The following GPR179 variants were observed in gnomAD, a reference collection of about 807,000 sequenced individuals.
GPR179 encodes the protein probable G protein-coupled receptor 179.
GPR179 carries 52 observed loss-of-function variants against 70.8 expected under a neutral mutation model. The observed-to-expected ratio is 0.73, with a 90% CI of 0.59 to 0.93. The LOEUF is 0.93. Among genes scored for constraint, GPR179 ranks in the 40% least tolerant of loss-of-function variants. GPR179 has a pLI of 0.00. For synonymous variants in GPR179, 1,123 were observed against 1,169.0 expected (o/e 0.96, Z 0.80); for missense variants, 2,734 against 2,966.8 (o/e 0.92, Z 1.82).
At position 38,331,066 on chromosome 17, in the gene GPR179, C is replaced by T. The variant is rs769049312; in HGVS notation, c.2503G>A (p.Ala835Thr). The change falls in exon 11 of 11, where the codon GCC (alanine) becomes ACC (threonine). Residue 835 changes from alanine to threonine, a missense_variant. Physicochemically the swap from Ala to Thr is moderately conservative, Grantham distance 58. Transcript: ENST00000616987. ...VGERLPRARPASLQKSLSVAS... is the reference protein window; with the variant it reads ...VGERLPRARPTSLQKSLSVAS... ...ACACTGAGCGACTTCTGCAGAGAGGCGGGCCGGGCTCTGGGTAGCCTCTCT... is the reference window on the plus strand; with the variant it reads ...ACACTGAGCGACTTCTGCAGAGAGGTGGGCCGGGCTCTGGGTAGCCTCTCT... The T allele has an allele frequency of 6.9e-6, 11 of 1,601,162 alleles. No homozygotes were observed. Among genetic ancestry groups the T allele is most frequent in the African/African-American group, 1.3e-5 (1 of 75,004 alleles).
Position 38,328,899 on chromosome 17 carries a change from G to A in GPR179, c.4670C>T (p.Ala1557Val). 2 of 1,614,084 alleles carry A rather than the reference G, an allele frequency of 1.2e-6. No individual in the cohort carries two copies. The highest frequency in any genetic ancestry group is 1.7e-5 in the Admixed American group (1 of 60,014). The change falls in exon 11 of 11, where the codon GCT becomes GTT. Residue 1557 changes from alanine to valine, a missense_variant. By Grantham distance (64) the Ala-to-Val change is moderately conservative (BLOSUM62 0). Transcript: ENST00000616987. ...TCCATTGCATAGGAATTGGCTACCA[G>A]CTTTGGATGAGGAATTGTCTAGACA... ...SPCLDNSSSK[A>V]GSQFLCNGGS...
chr17:38,328,260 C>T lies in GPR179; in HGVS notation c.5309G>A (p.Gly1770Glu). The change falls in exon 11 of 11, where the codon GGG (glycine) becomes GAG (glutamate). Residue 1770 changes from glycine to glutamate, a missense_variant. Transcript: ENST00000616987. The stretch of plus-strand genomic sequence containing the variant: ...AGTACCTGGATGCTGAGAACAGGCC[C>T]CTGGACCCACACTCCCCCAGGGACA... ...VACPWGSVGPGACSQHPGTLD... is the reference protein window; with the variant it reads ...VACPWGSVGPEACSQHPGTLD... 1 of 1,613,846 alleles carries T rather than the reference C, an allele frequency of 6.2e-7. No individual in the cohort carries two copies. Among genetic ancestry groups the T allele is most frequent in the Non-Finnish European group, 8.5e-7 (1 of 1,180,024 alleles).
At chr17:38,337,604 C>T in intron 3 of GPR179, 29 bp downstream of exon 3, 3 of 1,583,614 alleles carry the variant, frequency 1.9e-6, no homozygotes, top group South Asian at 1.1e-5. Context: ...ATGTAAAACA[C>T]ATGCCTGGCC....
At position 38,342,983 on chromosome 17, in the gene GPR179, C is replaced by T. The variant is rs1177019612; in HGVS notation, c.794+13G>A. The T allele has an allele frequency of 6.3e-7, 1 of 1,582,296 alleles. No homozygotes were observed. The highest frequency in any genetic ancestry group is 1.3e-5 in the African/African-American group (1 of 74,278). On this transcript the variant is annotated intron_variant, in intron 1 of 10. Coordinates refer to ENST00000616987, the MANE Select transcript of GPR179 (RefSeq NM_001004334.4). The stretch of plus-strand genomic sequence containing the variant: ...CCCCACACATGCATCAAATCCTGCA[C>T]AAACCCACTTACCTGACTTCTGGGC...
At chr17:38,340,511 G>C (rs139956022) in intron 1 of GPR179, among the ~76,000 whole-genome samples, 273 of 152,296 alleles carry the variant, frequency 1.8e-3, no homozygotes, top group African/African-American at 6.3e-3. Flanking sequence ...TGAACTCCTG[G>C]ACTCAAGCCA....
Position 38,337,665 on chromosome 17 carries a change from C to A in GPR179, c.959G>T (p.Arg320Leu), listed in dbSNP as rs189931659. Residue 320 changes from arginine (R) to leucine (L), a missense_variant, in exon 3 of 11, where the codon CGA becomes CTA. By Grantham distance (102) the Arg-to-Leu change is moderately radical. Coordinates refer to ENST00000616987, the MANE Select transcript of GPR179 (RefSeq NM_001004334.4). The stretch of plus-strand genomic sequence containing the variant: ...GGGGCTTGCCCCGTAGAATCCAGGT[C>A]GGCAGCGGCAGAGGTAGCGGCCAAG... Reference protein sequence around the residue: ...FVLGRYLCRCRPGFYGASPSG... With the variant: ...FVLGRYLCRCLPGFYGASPSG... 2 of 1,613,400 alleles carry A rather than the reference C, an allele frequency of 1.2e-6. No individual in the cohort carries two copies. Among genetic ancestry groups the A allele is most frequent in the African/African-American group, 2.7e-5 (2 of 74,906 alleles).
chr17:38,342,895 G>A, intron 1 of GPR179, 101 bp downstream of exon 1: 1 of 1,138,116 alleles, frequency 8.8e-7, no homozygotes, highest in Non-Finnish European at 1.3e-6. Flanking sequence ...CCCCAGGCAT[G>A]CACATGTTCG....
chr17:38,343,838 G>A lies in GPR179; in HGVS notation c.-49C>T. On this transcript the variant is annotated 5_prime_UTR_variant, in exon 1 of 11. Transcript: ENST00000616987. The surrounding 1 kb of genome is among the most constrained non-coding windows in gnomAD (Gnocchi z 4.2). ...TGGGGTCCAGGCTCAGGAGAGCCCA[G>A]GCAGAGGCTGGCTGCAGTCTGGGGG... 1 of 1,410,550 alleles carries A rather than the reference G, an allele frequency of 7.1e-7. No homozygotes were observed. Among genetic ancestry groups the A allele is most frequent in the Non-Finnish European group, 9.3e-7 (1 of 1,072,236 alleles). The allele number at this position is 1,410,550 out of a possible 1,614,324, so 87.4% of individuals were successfully genotyped here.
Position 38,335,193 on chromosome 17 carries a change from C to A in GPR179, c.1485G>T (p.Gly495=), listed in dbSNP as rs2037393493. ...LSSGRLLRHL[G]LLLLPVLGFL... ...AGCCCAGCACAGGTAGCAGGAGCAG[C>A]CCCAGGTGCCGCAGCAGCCGCCCGC... The change falls in exon 7 of 11, where the codon GGG becomes GGT. Residue 495 remains glycine, a synonymous_variant. Transcript: ENST00000616987. The A allele has an allele frequency of 1.9e-6, 3 of 1,563,302 alleles. No individual in the cohort carries two copies. The highest frequency in any genetic ancestry group is 3.9e-5 in the Admixed American group (2 of 51,930).
chr17:38,329,181 C>A lies in GPR179; in HGVS notation c.4388G>T (p.Cys1463Phe), dbSNP rs1445156819. The change falls in exon 11 of 11, where the codon TGT becomes TTT. Residue 1463 changes from cysteine (C) to phenylalanine (F), a missense_variant. Transcript: ENST00000616987. ...GSLGSGIAEV[C>F]LWEAGDAPAI... ...AGGAGCATCTCCTGCCTCCCACAGA[C>A]ACACTTCAGCAATGCCACTGCCCAA... is the stretch of plus-strand genomic sequence containing the variant. The A allele has an allele frequency of 6.2e-7, 1 of 1,613,986 alleles. No individual in the cohort carries two copies. Among genetic ancestry groups the A allele is most frequent in the South Asian group, 1.1e-5 (1 of 91,072 alleles).
chr17:38,328,731 C>T lies in GPR179; in HGVS notation c.4838G>A (p.Gly1613Glu), dbSNP rs2037317673. 1.2e-6 allele frequency: 2 copies of T among 1,613,898 alleles called. No individual in the cohort carries two copies. Among genetic ancestry groups the T allele is most frequent in the South Asian group, 2.2e-5 (2 of 91,082 alleles). ...CTCCTTGTCCTTTTGAGATTCTCCT[C>T]CTCTTGGCACCTGTGCTGATGTCCA... The part of the protein sequence containing the change: ...EEWTSAQVPR[G>E]GESQKDKEKM... The change falls in exon 11 of 11, where the codon GGA becomes GAA. Residue 1613 changes from glycine (G) to glutamate (E), a missense_variant. Coordinates refer to ENST00000616987, the MANE Select transcript of GPR179 (RefSeq NM_001004334.4).
Position 38,330,784 on chromosome 17 carries a change from G to A in GPR179, c.2785C>T (p.Pro929Ser), listed in dbSNP as rs1018052810. 3.1e-6 allele frequency: 5 copies of A among 1,596,054 alleles called. No homozygotes were observed. The highest frequency in any genetic ancestry group is 2.2e-5 in the East Asian group (1 of 44,486). ...ACCTGGTGCCTGATGGGTGGATGAG[G>A]CAGCCTTCTCCTAGCCTCCTCATGA... The part of the protein sequence containing the change: ...RLHEEARRRL[P>S]HPPIRHQVST... Residue 929 changes from proline to serine, a missense_variant, in exon 11 of 11, where the codon CCT becomes TCT. Coordinates refer to ENST00000616987, the MANE Select transcript of GPR179 (RefSeq NM_001004334.4).
chr17:38,337,200 A>T lies in GPR179; in HGVS notation c.1005T>A (p.Ser335Arg). 1 of 1,611,146 alleles carries T rather than the reference A, an allele frequency of 6.2e-7. No individual in the cohort carries two copies. The highest frequency in any genetic ancestry group is 1.3e-5 in the African/African-American group (1 of 75,002). Residue 335 changes from serine (S) to arginine (R), a missense_variant, in exon 4 of 11, where the codon AGT becomes AGA. Coordinates refer to ENST00000616987, the MANE Select transcript of GPR179 (RefSeq NM_001004334.4). ...GASPSGGLEE[S>R]DFQTTGQFGF... ...CGAATTGCCCGGTAGTCTGGAAGTC[A>T]CTCTCCTCTAACCCTATAAAGAACA...
rs1160491510 is a variant in GPR179 at position 38,327,177 on chromosome 17, C to T, written c.6392G>A (p.Cys2131Tyr). The part of the protein sequence containing the change: ...EAPSAKKAEI[C>Y]PWEAGGGAAE... Reference sequence around the variant, plus strand: ...TGCTCCTCCACCCGCCTCCCAAGGGCAGATCTCTGCTTTCTTGGCAGAGGG... The same window carrying T: ...TGCTCCTCCACCCGCCTCCCAAGGGTAGATCTCTGCTTTCTTGGCAGAGGG... Residue 2131 changes from cysteine (C) to tyrosine (Y), a missense_variant, in exon 11 of 11, where the codon TGC becomes TAC. Coordinates refer to ENST00000616987, the MANE Select transcript of GPR179 (RefSeq NM_001004334.4). 3.7e-6 allele frequency: 6 copies of T among 1,614,136 alleles called. No individual in the cohort carries two copies. The Admixed American group carries it at 6.7e-5, about 18-fold the overall frequency.
rs771718018 is a variant in GPR179, at chr17:38,330,837, A to G, written c.2732T>C (p.Val911Ala). Residue 911 changes from valine (V) to alanine (A), a missense_variant, in exon 11 of 11, where the codon GTG becomes GCG. Physicochemically the swap from Val to Ala is moderately conservative, Grantham distance 64. Coordinates refer to ENST00000616987, the MANE Select transcript of GPR179 (RefSeq NM_001004334.4). ...APPSPAKSSS[V>A]DSSHTSGRLH... ...CCTCCCAGAGGTGTGAGAGCTGTCCACGCTGCTGCTCTTGGCAGGGGAAGG... is the reference window on the plus strand; with the variant it reads ...CCTCCCAGAGGTGTGAGAGCTGTCCGCGCTGCTGCTCTTGGCAGGGGAAGG... 6.2e-7 allele frequency: 1 copy of G among 1,604,570 alleles called. No homozygotes were observed. The highest frequency in any genetic ancestry group is 8.5e-7 in the Non-Finnish European group (1 of 1,175,762).
intron 2 of GPR179, among the ~76,000 whole-genome samples, chr17:38,338,301 G>T (rs2037423284): frequency 6.6e-6 from 1 of 152,240 alleles, no homozygotes; most frequent in African/African-American, 2.4e-5. Flanking sequence ...ATTGATGTTT[G>T]CCCGGCAGGG....
In GPR179 at chr17:38,343,772, C is replaced by T. The variant is rs369803180; in HGVS notation, c.18G>A (p.Ala6=). The T allele has an allele frequency of 5.3e-5, 80 of 1,518,320 alleles. No homozygotes were observed. The highest frequency in any genetic ancestry group is 3.5e-4 in the African/African-American group (25 of 72,086). The allele number at this position is 1,518,320 out of a possible 1,614,324, so 94.1% of individuals were successfully genotyped here. The change falls in exon 1 of 11, where the codon GCG becomes GCA. Residue 6 remains alanine, a synonymous_variant. Coordinates refer to ENST00000616987, the MANE Select transcript of GPR179 (RefSeq NM_001004334.4). The surrounding 1 kb of genome is among the most constrained non-coding windows in gnomAD (Gnocchi z 4.2). ...GCCCCCACATAGGAGGGGGCATGAC[C>T]GCTCCCCTGGTGCCCATCCTTGGGG... MGTRG[A]VMPPPMWGLL... is the part of the protein sequence containing the mutation.
At position 38,343,568 on chromosome 17, in the gene GPR179, C is replaced by T. The variant is rs2037470654; in HGVS notation, c.222G>A (p.Val74=). The T allele has an allele frequency of 3.7e-6, 6 of 1,613,736 alleles. No homozygotes were observed. The South Asian group carries it at 4.4e-5, about 12-fold the overall frequency. ...YSGDAQQLSQ[V]NCSERYEARG... Reference sequence around the variant, plus strand: ...GCGCTTCATAGCGCTCACTGCAATTCACCTGTGATAGCTGCTGGGCATCTC... The same window carrying T: ...GCGCTTCATAGCGCTCACTGCAATTTACCTGTGATAGCTGCTGGGCATCTC... Residue 74 remains valine, a synonymous_variant, in exon 1 of 11, where the codon GTG becomes GTA. Transcript: ENST00000616987. The surrounding 1 kb of genome is among the most constrained non-coding windows in gnomAD (Gnocchi z 4.2).
chr17:38,340,521 A>G (rs2037440428), intron 1 of GPR179, among the ~76,000 whole-genome samples: 1 of 152,206 alleles, frequency 6.6e-6, no homozygotes, highest in Non-Finnish European at 1.5e-5. Flanking sequence ...GACTCAAGCC[A>G]TCCTCCCACC....
Sources: gnomAD v4.1 joint callset for allele counts (sites outside exome capture counted in the v4.1 genomes callset) on GRCh38, gnomAD v4.1.1 for gene constraint, Gnocchi (gnomAD v3.1) non-coding constraint, MANE v1.5 for transcripts, NCBI Gene and HGNC (gene_info 2026-07-23, HGNC 2026-07-21) for gene names.